ULK4: variants seen among roughly 807,000 people sequenced by gnomAD.
ULK4 encodes inactive serine/threonine-protein kinase ULK4.
A neutral mutation model predicts 160.6 loss-of-function variants in ULK4; 133 were observed. The observed-to-expected ratio is 0.83, with a 90% CI of 0.72 to 0.96. ULK4 has a LOEUF of 0.96. ULK4 is among the 40% of genes least tolerant of loss of function. The pLI is 0.00. For missense variants in ULK4, 1,580 were observed against 1,499.5 expected, an observed-to-expected ratio of 1.05 and a Z score of -0.89; for synonymous variants, 534 against 539.8, an observed-to-expected ratio of 0.99 and a Z score of 0.15.
chr3:41,905,542 GAAAGA>G (rs1698522197), intron 12 of ULK4, among the ~76,000 whole-genome samples: 2 of 151,240 alleles, frequency 1.3e-5, no homozygotes, highest in South Asian at 4.2e-4. Context: ...ACACCATCAA[GAAAGA>G]AAAAAGACAA....
intron 35 of ULK4, among the ~76,000 whole-genome samples, chr3:41,338,158 G>A (rs369741958): frequency 2.6e-5 from 4 of 152,316 alleles, no homozygotes; most frequent in African/African-American, 7.2e-5. Context: ...GAAAGTGCCC[G>A]CAGCTCCAAT....
At chr3:41,803,145 TG>T (rs1207622262) in intron 19 of ULK4, among the ~76,000 whole-genome samples, 1 of 129,056 alleles carries the variant, frequency 7.7e-6, no homozygotes, top group East Asian at 2.0e-4. Context: ...CACTCCAGCC[TG>T]GGCTTACAGA....
chr3:41,739,786 G>C (rs1404030974), intron 22 of ULK4, among the ~76,000 whole-genome samples: 1 of 151,810 alleles, frequency 6.6e-6, no homozygotes. Flanking sequence ...TGTGTACCAG[G>C]GAGCAAAGTG....
At chr3:41,812,001 G>T (rs1322190490) in intron 19 of ULK4, among the ~76,000 whole-genome samples, 1 of 152,142 alleles carries the variant, frequency 6.6e-6, no homozygotes, top group Non-Finnish European at 1.5e-5. Flanking sequence ...CAATGGGGAG[G>T]CCAGGCACAG....
At chr3:41,909,092 CAA>C (rs59762077) in intron 11 of ULK4, among the ~76,000 whole-genome samples, 4 of 106,328 alleles carry the variant, frequency 3.8e-5, no homozygotes, top group African/African-American at 7.5e-5. Flanking sequence ...CACTCCATCT[CAA>C]AAAAAAAAAA....
chr3:41,533,096 G>A (rs991364247), intron 32 of ULK4, among the ~76,000 whole-genome samples: 2 of 152,172 alleles, frequency 1.3e-5, no homozygotes, highest in Non-Finnish European at 2.9e-5. Flanking sequence ...ATCATGTAGA[G>A]AGAGAGGTCC....
chr3:41,249,461 A>C, intron 36 of ULK4, 28 bp downstream of exon 36: 1 of 1,602,320 alleles, frequency 6.2e-7, no homozygotes, highest in Non-Finnish European at 8.5e-7. Flanking sequence ...TCTAGAGCAG[A>C]CTGCTGATCC....
At chr3:41,292,350 T>C (rs1311425240) in intron 35 of ULK4, among the ~76,000 whole-genome samples, 1 of 152,098 alleles carries the variant, frequency 6.6e-6, no homozygotes, top group Non-Finnish European at 1.5e-5. Context: ...TTGCCAACAA[T>C]CCCCTGGACT....
chr3:41,413,201 T>C (rs1028465013), intron 34 of ULK4, among the ~76,000 whole-genome samples: 5 of 152,152 alleles, frequency 3.3e-5, no homozygotes, highest in African/African-American at 1.2e-4. Context: ...AGGGGAACAG[T>C]ATGGGGGAAA....
rs1200850656 is a variant in ULK4, at chr3:41,249,661, T to C, written c.3679-87A>G. The C allele has an allele frequency of 5.8e-6, 8 of 1,378,664 alleles. No homozygotes were observed. In the African/African-American group the frequency reaches 8.6e-5, roughly 15 times the overall value. The allele number at this position is 1,378,664 out of a possible 1,614,324, so 85.4% of individuals were successfully genotyped here. On this transcript the variant is annotated intron_variant, in intron 35 of 36. Transcript: ENST00000301831. ...GGATGGGCACCCTGAGTATCAGGCC[T>C]GCATGGTGCTGTGGCTGCCTAAGGC...
chr3:41,640,779 T>A (rs1052604076), intron 30 of ULK4, among the ~76,000 whole-genome samples: 1 of 152,150 alleles, frequency 6.6e-6, no homozygotes, highest in Non-Finnish European at 1.5e-5. Flanking sequence ...AATGGAAGAA[T>A]AATCCAACGA....
chr3:41,289,216 C>A (rs1446834412), intron 35 of ULK4, among the ~76,000 whole-genome samples: 2 of 152,196 alleles, frequency 1.3e-5, no homozygotes, highest in African/African-American at 4.8e-5. Flanking sequence ...GCTAAAAATG[C>A]TCTTAATTTT....
chr3:41,856,576 TGTATATATATACAC>T lies in ULK4; in HGVS notation c.1657-20619_1657-20606del, dbSNP rs1343945335. On this transcript the variant is annotated intron_variant, in intron 17 of 36. Transcript: ENST00000301831. ...GTATATATATACACATATATATATG[TGTATATATATACAC>T]ATATATATATATGTGTATATATATA... Among the ~76,000 whole-genome samples, 167 of 84,080 alleles carry T rather than the reference TGTATATATATACAC, an allele frequency of 2.0e-3. 6 individuals carry two copies. Among genetic ancestry groups the T allele is most frequent in the African/African-American group, 0.012 (162 of 13,298 alleles). 55.2% of individuals were successfully genotyped at this position (84,080 alleles called of 152,430 possible). A position where few individuals can be genotyped will look rare whatever the true frequency, so the allele number is the denominator to read the frequency against.
intron 35 of ULK4, among the ~76,000 whole-genome samples, chr3:41,318,153 T>C (rs2080180344): frequency 6.6e-6 from 1 of 151,968 alleles, no homozygotes; most frequent in Admixed American, 6.6e-5. Flanking sequence ...AAAAATAAGA[T>C]AGAAAAAATG....
intron 17 of ULK4, among the ~76,000 whole-genome samples, chr3:41,866,722 G>A (rs1294719837): frequency 6.6e-6 from 1 of 152,164 alleles, no homozygotes; most frequent in African/African-American, 2.4e-5. Context: ...CACAGCATAT[G>A]TGTGTTGAAT....
intron 12 of ULK4, among the ~76,000 whole-genome samples, chr3:41,906,031 C>T (rs753088201): frequency 1.8e-4 from 28 of 151,978 alleles, no homozygotes; most frequent in Non-Finnish European, 3.4e-4. Flanking sequence ...TCCTGGCTAA[C>T]ACGGTGAAAC....
chr3:41,402,428 T>C (rs1347210817), intron 34 of ULK4, among the ~76,000 whole-genome samples: 1 of 152,166 alleles, frequency 6.6e-6, no homozygotes, highest in Admixed American at 6.6e-5. Flanking sequence ...CACTCTTGCC[T>C]TGTACCCAAT....
rs141291786 is a variant in ULK4 at position 41,584,291 on chromosome 3, A to C, written c.3121-18161T>G. Among the ~76,000 whole-genome samples the C allele has an allele frequency of 3.3e-5, 5 of 152,280 alleles. No individual in the cohort carries two copies. In the East Asian group the frequency reaches 9.7e-4, roughly 30 times the overall value. Reference sequence around the variant, plus strand: ...ATGGATCATAACATTTAGTGAAGATATAATAACTTTTTTCTTTTGAGAAAG... The same window carrying C: ...ATGGATCATAACATTTAGTGAAGATCTAATAACTTTTTTCTTTTGAGAAAG... On this transcript the variant is annotated intron_variant, in intron 31 of 36. Coordinates refer to ENST00000301831, the MANE Select transcript of ULK4 (RefSeq NM_017886.4).
At chr3:41,870,195 A>G (rs1461003792) in intron 17 of ULK4, among the ~76,000 whole-genome samples, 1 of 152,146 alleles carries the variant, frequency 6.6e-6, no homozygotes, top group Non-Finnish European at 1.5e-5. Context: ...TCCTCTTTAG[A>G]TTATCTTGGT....
Sources: allele counts gnomAD v4.1 joint callset (sites outside exome capture counted in the v4.1 genomes callset), GRCh38; gene constraint gnomAD v4.1.1; transcripts MANE v1.5; gene names NCBI Gene and HGNC (gene_info 2026-07-23, HGNC 2026-07-21).